PHACTR3: variants seen among roughly 807,000 people sequenced by gnomAD.
PHACTR3 encodes the protein protein phosphatase 1, regulatory subunit 123.
In PHACTR3, 16 loss-of-function variants were observed where a neutral mutation model predicts 66.8. That is an observed-to-expected ratio of 0.24 (90% CI 0.16 to 0.36). The LOEUF is 0.36. Among genes scored for constraint, PHACTR3 ranks in the 10% least tolerant of loss-of-function variants. The probability of loss-of-function intolerance (pLI) is 1.00; values close to 1 mark genes in which losing one functional copy is unlikely to be tolerated. For synonymous variants in PHACTR3, 323 were observed against 292.1 expected (o/e 1.11, Z -1.08); for missense variants, 647 against 719.9 (o/e 0.90, Z 1.16).
intron 9 of PHACTR3, among the ~76,000 whole-genome samples, chr20:59,837,880 T>C (rs1398895573): frequency 2.6e-5 from 4 of 152,198 alleles, no homozygotes; most frequent in Admixed American, 6.5e-5. Flanking sequence ...CCATGTCTTC[T>C]TTCAGTAGCA....
At chr20:59,592,524 AATTC>A (rs2033214491) in intron 1 of PHACTR3, among the ~76,000 whole-genome samples, 1 of 152,176 alleles carries the variant, frequency 6.6e-6, no homozygotes, top group South Asian at 2.1e-4. Context: ...TCTTTAGACC[AATTC>A]ATTCATTTTT....
At chr20:59,817,211 T>A (rs955076887) in intron 8 of PHACTR3, among the ~76,000 whole-genome samples, 4 of 152,248 alleles carry the variant, frequency 2.6e-5, no homozygotes, top group Admixed American at 1.3e-4. Context: ...AGTGTATTTG[T>A]GAATAGTGTG....
chr20:59,592,844 C>T (rs1029823653), intron 1 of PHACTR3, among the ~76,000 whole-genome samples: 3 of 152,014 alleles, frequency 2.0e-5, no homozygotes, highest in Non-Finnish European at 2.9e-5. Context: ...TTTTTTTGTA[C>T]TGAATAATAT....
At chr20:59,664,546 G>A (rs1185176676) in intron 1 of PHACTR3, among the ~76,000 whole-genome samples, 1 of 152,034 alleles carries the variant, frequency 6.6e-6, no homozygotes, top group Non-Finnish European at 1.5e-5. Flanking sequence ...CTCCCCATTG[G>A]ACCACAGCCT....
rs1466634533 is a variant in PHACTR3 at position 59,628,298 on chromosome 20, T to C, written c.118+23166T>C. 2.6e-5 allele frequency: 4 copies of C among 152,300 alleles called. No individual in the cohort carries two copies. The East Asian group carries it at 5.8e-4, about 22-fold the overall frequency. 9.4% of individuals were successfully genotyped at this position (152,300 alleles called of 1,614,324 possible). ...GTGTGCTGGGGAAGAATGGGCCCAG[T>C]CATGGGGTGGAGACGCCCCCCAGCT... On this transcript the variant is annotated intron_variant, in intron 1 of 12. Coordinates refer to ENST00000371015, the MANE Select transcript of PHACTR3 (RefSeq NM_080672.5).
chr20:59,779,367 A>G (rs1267925836), intron 7 of PHACTR3, among the ~76,000 whole-genome samples: 1 of 152,194 alleles, frequency 6.6e-6, no homozygotes, highest in Non-Finnish European at 1.5e-5. Flanking sequence ...TTGGGGGGAA[A>G]ATTACTCACA....
At chr20:59,817,798 T>C (rs1247975715) in intron 8 of PHACTR3, among the ~76,000 whole-genome samples, 1 of 152,222 alleles carries the variant, frequency 6.6e-6, no homozygotes, top group Non-Finnish European at 1.5e-5. Context: ...GTTGAGAGCC[T>C]CTTCCTATTT....
At chr20:59,582,792 G>A (rs1028478759) in intron 1 of PHACTR3, among the ~76,000 whole-genome samples, 1 of 152,174 alleles carries the variant, frequency 6.6e-6, no homozygotes, top group Non-Finnish European at 1.5e-5. Context: ...GTTTGTGAGC[G>A]CCGTCGATCT....
intron 1 of PHACTR3, among the ~76,000 whole-genome samples, chr20:59,706,825 G>A (rs1299529947): frequency 6.6e-6 from 1 of 152,070 alleles, no homozygotes; most frequent in Non-Finnish European, 1.5e-5. Context: ...TGGTTCCCTG[G>A]GGTCTGGGCT....
At chr20:59,811,341 G>A (rs1380816439) in intron 8 of PHACTR3, among the ~76,000 whole-genome samples, 1 of 152,210 alleles carries the variant, frequency 6.6e-6, no homozygotes, top group Non-Finnish European at 1.5e-5. Context: ...CTCGGGCAAA[G>A]GACTTCACAC....
Position 59,585,697 on chromosome 20 carries a change from G to A in PHACTR3, c.109+8080G>A, listed in dbSNP as rs117091929. ...TGTGTCCAATGGAGAGCATGATGGG[G>A]AGGCGATGGTGGGGAGGTGGGGTTG... On this transcript the variant is annotated intron_variant, in intron 1 of 12. Transcript: ENST00000359926. Among the ~76,000 whole-genome samples the A allele has an allele frequency of 2.0e-3, 310 of 152,336 alleles. 3 individuals carry two copies. The East Asian group carries it at 0.041, about 20-fold the overall frequency.
chr20:59,638,621 G>A (rs1326072986), intron 1 of PHACTR3, among the ~76,000 whole-genome samples: 1 of 149,256 alleles, frequency 6.7e-6, no homozygotes, highest in Non-Finnish European at 1.5e-5. Context: ...ATAGGTGGAT[G>A]GATTGGAGAA....
chr20:59,798,183 A>C (rs2041308266), intron 7 of PHACTR3, among the ~76,000 whole-genome samples: 1 of 152,154 alleles, frequency 6.6e-6, no homozygotes, highest in Admixed American at 6.5e-5. Context: ...ACATGACAAG[A>C]GATGGAAGGA....
chr20:59,589,236 AAT>A (rs1464275883), intron 1 of PHACTR3, among the ~76,000 whole-genome samples: 8 of 152,320 alleles, frequency 5.3e-5, no homozygotes, highest in South Asian at 2.1e-4. Flanking sequence ...CACTATTATT[AAT>A]ATCTCAGGGC....
At chr20:59,605,441 G>A (rs1457479970) in intron 1 of PHACTR3, among the ~76,000 whole-genome samples, 1 of 152,228 alleles carries the variant, frequency 6.6e-6, no homozygotes, top group Non-Finnish European at 1.5e-5. Context: ...TGGGGGAAGA[G>A]AGGCAGACCC....
chr20:59,660,638 TGTCAGGGGTGAAAGCA>T (rs1362440812), intron 1 of PHACTR3, among the ~76,000 whole-genome samples: 2 of 152,260 alleles, frequency 1.3e-5, no homozygotes, highest in African/African-American at 2.4e-5. Context: ...ATTGCACTAC[TGTCAGGGGTGAAAGCA>T]GTCAGCTGGC....
At chr20:59,623,491 A>G (rs2034335516) in intron 1 of PHACTR3, among the ~76,000 whole-genome samples, 1 of 152,202 alleles carries the variant, frequency 6.6e-6, no homozygotes, top group Non-Finnish European at 1.5e-5. Context: ...TCGTCCCACG[A>G]CAGCTGCTGA....
In PHACTR3 at chr20:59,604,902, T is replaced by C; in HGVS notation, c.-113T>C. 1 of 1,091,142 alleles carries C rather than the reference T, an allele frequency of 9.2e-7. No individual in the cohort carries two copies. The highest frequency in any genetic ancestry group is 1.1e-6 in the Non-Finnish European group (1 of 900,394). The allele number at this position is 1,091,142 out of a possible 1,614,324, so 67.6% of individuals were successfully genotyped here. On this transcript the variant is annotated 5_prime_UTR_variant, in exon 1 of 13. Coordinates refer to ENST00000371015, the MANE Select transcript of PHACTR3 (RefSeq NM_080672.5). ...CTTTTTTTTTTTTTTTTTTTTTTAA[T>C]TTTCTTTTTTAAAAAGACGCCCCCT...
At chr20:59,689,930 A>C (rs1246897601) in intron 1 of PHACTR3, among the ~76,000 whole-genome samples, 3 of 152,160 alleles carry the variant, frequency 2.0e-5, no homozygotes, top group Admixed American at 1.3e-4. Flanking sequence ...ATACAGATGC[A>C]TCCTGAGCCT....
Sources: gnomAD v4.1 joint callset for allele counts (sites outside exome capture counted in the v4.1 genomes callset) on GRCh38, gnomAD v4.1.1 for gene constraint, MANE v1.5 for transcripts, NCBI Gene and HGNC (gene_info 2026-07-23, HGNC 2026-07-21) for gene names.